Variants in CBX7 observed in about 807,000 individuals in gnomAD.
The protein encoded by CBX7 is chromobox 7, also known as chromobox protein homolog 7.
In CBX7, 14 loss-of-function variants were observed where a neutral mutation model predicts 31.4. The observed-to-expected ratio is 0.45, with a 90% confidence interval of 0.29 to 0.70. The LOEUF (loss-of-function observed/expected upper bound fraction) is 0.70, where lower values mean the gene tolerates loss of function less well. CBX7 is among the 30% of genes least tolerant of loss of function. The probability of loss-of-function intolerance (pLI) is 0.11; values close to 1 mark genes in which losing one functional copy is unlikely to be tolerated. For missense variants in CBX7, 269 were observed against 351.9 expected, an observed-to-expected ratio of 0.76 and a Z score of 1.89; for synonymous variants, 159 against 152.6, an observed-to-expected ratio of 1.04 and a Z score of -0.31.
At chr22:39,147,160 G>A (rs1930692156) in intron 2 of CBX7, 1 of 137,422 alleles carries the variant, frequency 7.3e-6, no homozygotes, top group African/African-American at 2.8e-5. Context: ...CTGGAGTGCA[G>A]TGGCACGATT....
intron 1 of CBX7, among the ~76,000 whole-genome samples, chr22:39,151,394 A>ACTAATTTCCTTTTT: frequency 6.6e-6 from 1 of 152,264 alleles, no homozygotes; most frequent in South Asian, 2.1e-4. Context: ...TGGGCTGCCA[A>ACTAATTTCCTTTTT]TCAGCCCAGT....
chr22:39,150,764 T>C (rs182648361), intron 1 of CBX7, among the ~76,000 whole-genome samples: 1 of 152,022 alleles, frequency 6.6e-6, no homozygotes, highest in Non-Finnish European at 1.5e-5. Flanking sequence ...AGTGAGATCT[T>C]GGTGCCAAGA....
chr22:39,144,803 C>T (rs1282975955), intron 2 of CBX7, among the ~76,000 whole-genome samples: 1 of 152,262 alleles, frequency 6.6e-6, no homozygotes, highest in Non-Finnish European at 1.5e-5. Context: ...ATAATGACCA[C>T]TACAGTAACA....
In CBX7 at chr22:39,131,211, G is replaced by T. The variant is rs1017948401; in HGVS notation, c.*2680C>A. 2 of 152,586 alleles carry T rather than the reference G, an allele frequency of 1.3e-5. No individual in the cohort carries two copies. Among genetic ancestry groups the T allele is most frequent in the East Asian group, 3.8e-4 (2 of 5,202 alleles). The allele number at this position is 152,586 out of a possible 1,614,324, so 9.5% of individuals were successfully genotyped here. A position where few individuals can be genotyped will look rare whatever the true frequency, so the allele number is the denominator to read the frequency against. ...CTGCATTCCAGGCGGCTGTGCCAGGGGTGGGGGTACCTCCTCCGCACCCCC... is the reference window on the plus strand; with the variant it reads ...CTGCATTCCAGGCGGCTGTGCCAGGTGTGGGGGTACCTCCTCCGCACCCCC... On this transcript the variant is annotated 3_prime_UTR_variant, in exon 6 of 6. Coordinates refer to ENST00000216133, the MANE Select transcript of CBX7 (RefSeq NM_175709.5).
intron 5 of CBX7, 42 bp downstream of exon 5, chr22:39,134,359 C>G: frequency 1.3e-6 from 2 of 1,492,360 alleles, no homozygotes; most frequent in Non-Finnish European, 1.8e-6. Context: ...ACCCATAGGG[C>G]CCTTTCCAGC....
At chr22:39,134,346 A>C in intron 5 of CBX7, 55 bp downstream of exon 5, 1 of 1,413,162 alleles carries the variant, frequency 7.1e-7, no homozygotes, top group Non-Finnish European at 9.6e-7. Context: ...GCTGGACCTT[A>C]TGACCCATAG....
At chr22:39,141,954 G>A (rs142227633) in intron 2 of CBX7, among the ~76,000 whole-genome samples, 191 of 152,220 alleles carry the variant, frequency 1.3e-3, no homozygotes, top group African/African-American at 4.2e-3. Context: ...ACTCTACAAT[G>A]TGACTGGGTC....
At chr22:39,140,442 A>G (rs1231581759) in intron 3 of CBX7, among the ~76,000 whole-genome samples, 1 of 152,220 alleles carries the variant, frequency 6.6e-6, no homozygotes, top group Non-Finnish European at 1.5e-5. Context: ...GGAAAGAACA[A>G]TAAAATTTGT....
chr22:39,146,011 C>CG (rs1216849958), intron 2 of CBX7, among the ~76,000 whole-genome samples: 2 of 152,114 alleles, frequency 1.3e-5, no homozygotes, highest in African/African-American at 4.8e-5. Flanking sequence ...CCCGGAACCC[C>CG]GCAGAGCCAG....
intron 4 of CBX7, among the ~76,000 whole-genome samples, chr22:39,137,901 G>T (rs1250058936): frequency 6.6e-6 from 1 of 152,134 alleles, no homozygotes; most frequent in Non-Finnish European, 1.5e-5. Flanking sequence ...TCTGTTTCTG[G>T]CTGGGCGCGG....
Position 39,133,027 on chromosome 22 carries a change from G to A in CBX7, c.*864C>T, listed in dbSNP as rs893818963. 6.6e-6 allele frequency: 1 copy of A among 152,276 alleles called. No individual in the cohort carries two copies. Among genetic ancestry groups the A allele is most frequent in the Non-Finnish European group, 1.5e-5 (1 of 68,106 alleles). The allele number at this position is 152,276 out of a possible 1,614,324, so 9.4% of individuals were successfully genotyped here. A position where few individuals can be genotyped will look rare whatever the true frequency, so the allele number is the denominator to read the frequency against. On this transcript the variant is annotated 3_prime_UTR_variant, in exon 6 of 6. Coordinates refer to ENST00000216133, the MANE Select transcript of CBX7 (RefSeq NM_175709.5). ...CTGTGCCAGACCCCTGCCCTCCACT[G>A]AAAGCCGCAAGCAGGTAGCAAGGTG...
intron 5 of CBX7, 134 bp downstream of exon 5, chr22:39,134,267 T>C (rs969378797): frequency 6.8e-6 from 6 of 880,816 alleles, no homozygotes; most frequent in East Asian, 5.3e-5. Context: ...CCTGGGCTAG[T>C]GTTGGGCCCT....
intron 3 of CBX7, chr22:39,141,075 T>C: frequency 2.7e-6 from 1 of 368,250 alleles, no homozygotes; most frequent in East Asian, 6.4e-5. Flanking sequence ...CCCTCTGAGG[T>C]TTCACCCTGG....
intron 2 of CBX7, among the ~76,000 whole-genome samples, chr22:39,144,626 A>G (rs1264312065): frequency 6.6e-6 from 1 of 152,184 alleles, no homozygotes; most frequent in Admixed American, 6.5e-5. Context: ...CTCCCCCCGG[A>G]AAAGGCTGAA....
At chr22:39,140,805 T>C (rs1930427284) in intron 3 of CBX7, among the ~76,000 whole-genome samples, 1 of 151,532 alleles carries the variant, frequency 6.6e-6, no homozygotes, top group South Asian at 2.1e-4. Flanking sequence ...CTGGCAGAGG[T>C]GGGAGACTGT....
chr22:39,135,528 T>C (rs1462876826), intron 4 of CBX7: 1 of 144,624 alleles, frequency 6.9e-6, no homozygotes, highest in Non-Finnish European at 1.5e-5. Flanking sequence ...CTACCAGAGG[T>C]CAGGAGCTCC....
chr22:39,147,754 A>C (rs546158082), intron 2 of CBX7: 1 of 152,252 alleles, frequency 6.6e-6, no homozygotes, highest in Admixed American at 6.5e-5. Context: ...TTTTTTAAGG[A>C]CCAACCCTCT....
chr22:39,149,759 A>T, intron 2 of CBX7, 30 bp downstream of exon 2: 1 of 1,610,050 alleles, frequency 6.2e-7, no homozygotes, highest in Non-Finnish European at 8.5e-7. Context: ...GTAGGCAGAC[A>T]GACAGACACA....
Position 39,152,528 on chromosome 22 carries a change from G to C in CBX7, c.-84C>G, listed in dbSNP as rs1313494861. 7 of 560,000 alleles carry C rather than the reference G, an allele frequency of 1.3e-5. No individual in the cohort carries two copies. The South Asian group carries it at 3.7e-4, about 29-fold the overall frequency. 34.7% of individuals were successfully genotyped at this position (560,000 alleles called of 1,614,324 possible). A position where few individuals can be genotyped will look rare whatever the true frequency, so the allele number is the denominator to read the frequency against. On this transcript the variant is annotated 5_prime_UTR_variant, in exon 1 of 6. Transcript: ENST00000216133. This position sits in a 1 kb window ranked among gnomAD's most constrained non-coding sequence, Gnocchi z 4.9. ...CCGCGGCTGCGGCGCGCGATGCTGGGGCTGGCGGGGTCCCCGTCACCCTCG... is the reference window on the plus strand; with the variant it reads ...CCGCGGCTGCGGCGCGCGATGCTGGCGCTGGCGGGGTCCCCGTCACCCTCG...
Sources: allele counts gnomAD v4.1 joint callset (sites outside exome capture counted in the v4.1 genomes callset), GRCh38; gene constraint gnomAD v4.1.1; non-coding constraint Gnocchi (gnomAD v3.1); transcripts MANE v1.5; gene names NCBI Gene and HGNC (gene_info 2026-07-23, HGNC 2026-07-21).